MYO18B: variants seen among roughly 807,000 people sequenced by gnomAD.
MYO18B encodes myosin XVIIIB.
Under a neutral mutation model 273.0 loss-of-function variants are expected in MYO18B, and 204 were observed. That is an observed-to-expected ratio of 0.75 (90% confidence interval 0.67 to 0.84). The LOEUF (loss-of-function observed/expected upper bound fraction) is 0.84, where lower values mean the gene tolerates loss of function less well. Among genes scored for constraint, MYO18B ranks in the 40% least tolerant of loss-of-function variants. MYO18B has a pLI of 0.00. For missense variants in MYO18B, 3,212 were observed against 3,287.6 expected (o/e 0.98, Z 0.56); for synonymous variants, 1,330 against 1,305.7 (o/e 1.02, Z -0.40).
In MYO18B at chr22:25,876,268, T is replaced by A. The variant is rs371196884; in HGVS notation, c.4160T>A (p.Leu1387Gln). Reference protein sequence around the residue: ...LAVKDWPWWQLLGSLQPLLSA... With the variant: ...LAVKDWPWWQQLGSLQPLLSA... ...GTCAAGGACTGGCCATGGTGGCAGC[T>A]GCTTGGTTCCCTCCAGCCTCTACTT... Residue 1387 changes from leucine to glutamine, a missense_variant, in exon 24 of 44, where the codon CTG (leucine) becomes CAG (glutamine). Coordinates refer to ENST00000335473, the MANE Select transcript of MYO18B (RefSeq NM_032608.7). The A allele has an allele frequency of 9.2e-5, 148 of 1,613,334 alleles. No homozygotes were observed. The highest frequency in any genetic ancestry group is 1.2e-4 in the Non-Finnish European group (144 of 1,179,706).
At chr22:25,783,010 A>T (rs531679231) in intron 10 of MYO18B, among the ~76,000 whole-genome samples, 9 of 152,298 alleles carry the variant, frequency 5.9e-5, no homozygotes, top group Admixed American at 6.5e-5. Context: ...TCTGAGCCTG[A>T]CTTTCCTTAT....
chr22:26,051,255 G>A, the MYO18B span, among the ~76,000 whole-genome samples: 977 of 121,018 alleles, frequency 8.1e-3, 14 homozygotes, highest in African/African-American at 0.03. Context: ...ACGGAGTCTC[G>A]CTCTGTTGCC....
intron 34 of MYO18B, among the ~76,000 whole-genome samples, chr22:25,942,114 A>T (rs1601633612): frequency 6.6e-6 from 1 of 152,202 alleles, no homozygotes; most frequent in Non-Finnish European, 1.5e-5. Context: ...CTGTGATGGA[A>T]CCATCCCTAT....
intron 1 of MYO18B, among the ~76,000 whole-genome samples, chr22:25,760,149 C>G (rs1437453840): frequency 6.6e-6 from 1 of 152,062 alleles, no homozygotes; most frequent in African/African-American, 2.4e-5. Flanking sequence ...GGCGTGGTGG[C>G]TCATGCCTGT....
chr22:25,844,923 C>T (rs762669861), intron 18 of MYO18B, among the ~76,000 whole-genome samples: 1 of 152,190 alleles, frequency 6.6e-6, no homozygotes, highest in African/African-American at 2.4e-5. Context: ...TCCCTCATCT[C>T]GGTTGTTTCT....
intron 36 of MYO18B, among the ~76,000 whole-genome samples, chr22:25,948,419 CT>C (rs2092741722): frequency 1.3e-5 from 1 of 77,904 alleles, no homozygotes; most frequent in African/African-American, 6.5e-5. Flanking sequence ...TCCTTCCTTC[CT>C]TCCTTCCTTC....
intron 11 of MYO18B, 26 bp downstream of exon 11, chr22:25,785,517 G>C (rs573056130): frequency 6.2e-7 from 1 of 1,606,728 alleles, no homozygotes; most frequent in East Asian, 2.2e-5. Context: ...CTCACGGGTG[G>C]GATGTGAGTC....
chr22:25,856,885 T>C (rs1424076525), intron 21 of MYO18B, among the ~76,000 whole-genome samples: 2 of 152,170 alleles, frequency 1.3e-5, no homozygotes, highest in African/African-American at 4.8e-5. Flanking sequence ...GCAGACCTGA[T>C]CTTTGTGACT....
At chr22:26,022,699 G>C (rs922697319) in intron 42 of MYO18B, among the ~76,000 whole-genome samples, 1 of 152,218 alleles carries the variant, frequency 6.6e-6, no homozygotes, top group Non-Finnish European at 1.5e-5. Flanking sequence ...AGGTTTCAAA[G>C]GCACCAGACC....
chr22:25,989,892 C>G (rs2093245808), intron 39 of MYO18B, among the ~76,000 whole-genome samples: 1 of 152,100 alleles, frequency 6.6e-6, no homozygotes, highest in Non-Finnish European at 1.5e-5. Flanking sequence ...GGGGTGAGCA[C>G]CCCCTCCTTC....
At chr22:26,038,685 C>G in the MYO18B span, among the ~76,000 whole-genome samples, 2 of 152,236 alleles carry the variant, frequency 1.3e-5, no homozygotes, top group African/African-American at 2.4e-5. Flanking sequence ...TGGATTACAC[C>G]ACGAAATTTT....
chr22:25,908,746 TCTTA>T (rs2092098422), intron 32 of MYO18B, among the ~76,000 whole-genome samples: 1 of 152,234 alleles, frequency 6.6e-6, no homozygotes, highest in Non-Finnish European at 1.5e-5. Context: ...ACCAATTCTT[TCTTA>T]CTATTTTCTT....
At chr22:25,825,338 G>A (rs1207223767) in intron 13 of MYO18B, among the ~76,000 whole-genome samples, 2 of 152,136 alleles carry the variant, frequency 1.3e-5, no homozygotes, top group African/African-American at 4.8e-5. Context: ...GGCTGCAGTG[G>A]GCTGCCTGGA....
At chr22:25,972,665 C>T (rs1012147388) in intron 39 of MYO18B, among the ~76,000 whole-genome samples, 1 of 152,084 alleles carries the variant, frequency 6.6e-6, no homozygotes, top group African/African-American at 2.4e-5. Flanking sequence ...AGGTTAGAGA[C>T]GAGATCTCGG....
At chr22:25,923,183 A>G (rs1346422025) in intron 34 of MYO18B, among the ~76,000 whole-genome samples, 1 of 152,236 alleles carries the variant, frequency 6.6e-6, no homozygotes, top group Non-Finnish European at 1.5e-5. Flanking sequence ...GGCAGAAGCA[A>G]ACTTGTTAAA....
At chr22:25,915,779 C>T (rs550010296) in intron 33 of MYO18B, among the ~76,000 whole-genome samples, 24 of 152,292 alleles carry the variant, frequency 1.6e-4, no homozygotes, top group Middle Eastern at 3.4e-3. Flanking sequence ...GTTTTCAATA[C>T]ACAGCTCTTT....
intron 10 of MYO18B, among the ~76,000 whole-genome samples, chr22:25,783,097 A>C (rs182982212): frequency 4.6e-4 from 70 of 152,308 alleles, no homozygotes; most frequent in African/African-American, 1.6e-3. Flanking sequence ...TACTTCTTAA[A>C]ATAGTGCCCG....
chr22:25,767,720 C>G (rs952050083), intron 3 of MYO18B, among the ~76,000 whole-genome samples: 6 of 152,220 alleles, frequency 3.9e-5, no homozygotes, highest in African/African-American at 1.4e-4. Flanking sequence ...ACACTATGCG[C>G]TGGGCTCAGT....
chr22:25,985,312 G>A (rs1186036561), intron 39 of MYO18B, among the ~76,000 whole-genome samples: 2 of 152,268 alleles, frequency 1.3e-5, no homozygotes, highest in South Asian at 2.1e-4. Context: ...AGTGAGCTGA[G>A]ATCGTGCCAC....
Sources: gnomAD v4.1 joint callset for allele counts (sites outside exome capture counted in the v4.1 genomes callset) on GRCh38, gnomAD v4.1.1 for gene constraint, MANE v1.5 for transcripts, NCBI Gene and HGNC (gene_info 2026-07-23, HGNC 2026-07-21) for gene names.